The following NCKAP5 variants were observed in gnomAD, a reference collection of about 807,000 sequenced individuals.
NCKAP5 encodes the protein nck-associated protein 5.
NCKAP5 carries 92 observed loss-of-function variants against 167.0 expected under a neutral mutation model. That is an observed-to-expected ratio of 0.55 (90% confidence interval 0.47 to 0.66). The LOEUF (loss-of-function observed/expected upper bound fraction) is 0.66, where lower values mean the gene tolerates loss of function less well. Among genes scored for constraint, NCKAP5 ranks in the 30% least tolerant of loss-of-function variants. The probability of loss-of-function intolerance (pLI) is 0.00; values close to 1 mark genes in which losing one functional copy is unlikely to be tolerated. For synonymous variants in NCKAP5, 891 were observed against 877.4 expected, an observed-to-expected ratio of 1.02 and a Z score of -0.27; for missense variants, 2,378 against 2,315.0, an observed-to-expected ratio of 1.03 and a Z score of -0.56.
intron 11 of NCKAP5, among the ~76,000 whole-genome samples, chr2:132,832,918 T>C (rs1051487735): frequency 5.3e-5 from 8 of 152,256 alleles, no homozygotes; most frequent in Admixed American, 2.6e-4. Flanking sequence ...GATAGCTTTA[T>C]GGTAGCTTTA....
chr2:133,259,062 C>T (rs894704309), intron 4 of NCKAP5, among the ~76,000 whole-genome samples: 1 of 152,144 alleles, frequency 6.6e-6, no homozygotes, highest in Admixed American at 6.5e-5. Flanking sequence ...CTCCACCTCC[C>T]ACCCTCTCTT....
intron 19 of NCKAP5, among the ~76,000 whole-genome samples, chr2:132,699,019 G>A (rs1687611800): frequency 6.6e-6 from 1 of 152,124 alleles, no homozygotes; most frequent in South Asian, 2.1e-4. Flanking sequence ...TATACACAAA[G>A]GGCTTGTTTG....
At chr2:132,905,174 T>C (rs939301915) in intron 8 of NCKAP5, among the ~76,000 whole-genome samples, 1 of 152,240 alleles carries the variant, frequency 6.6e-6, no homozygotes, top group Non-Finnish European at 1.5e-5. Context: ...ATCTTCTTTC[T>C]TTCCAAATAG....
intron 4 of NCKAP5, among the ~76,000 whole-genome samples, chr2:133,281,037 G>A (rs538616986): frequency 3.3e-4 from 50 of 152,308 alleles, no homozygotes; most frequent in African/African-American, 1.1e-3. Context: ...TTAAATCCAT[G>A]TTATAAATTC....
chr2:133,040,897 T>C (rs2079197866), intron 6 of NCKAP5, among the ~76,000 whole-genome samples: 1 of 152,184 alleles, frequency 6.6e-6, no homozygotes, highest in Non-Finnish European at 1.5e-5. Context: ...ATTTCTCTTC[T>C]TTCTCCAGGT....
chr2:132,693,400 A>G (rs1197140342), intron 19 of NCKAP5, among the ~76,000 whole-genome samples: 2 of 152,118 alleles, frequency 1.3e-5, no homozygotes, highest in Non-Finnish European at 2.9e-5. Context: ...GCACGGAGGA[A>G]AGATGACAGG....
chr2:132,930,939 T>G (rs1696327957), intron 8 of NCKAP5: 1 of 152,108 alleles, frequency 6.6e-6, no homozygotes, highest in African/African-American at 2.4e-5. Flanking sequence ...CCCTCTATAC[T>G]CTGAGGCACA....
chr2:132,688,297 T>C (rs1208671758), intron 19 of NCKAP5, among the ~76,000 whole-genome samples: 1 of 152,212 alleles, frequency 6.6e-6, no homozygotes, highest in Non-Finnish European at 1.5e-5. Flanking sequence ...ATGAATGTTG[T>C]AAATTAACTT....
At chr2:133,316,908 A>G (rs1681646387) in intron 3 of NCKAP5, among the ~76,000 whole-genome samples, 1 of 152,172 alleles carries the variant, frequency 6.6e-6, no homozygotes, top group South Asian at 2.1e-4. Context: ...CACTAGCTCT[A>G]TCTTGTTGCT....
rs1684622866 is a variant in NCKAP5 at position 132,796,572 on chromosome 2, G to C, written c.909+56C>G. 8 of 1,260,514 alleles carry C rather than the reference G, an allele frequency of 6.3e-6. No individual in the cohort carries two copies. In the South Asian group the frequency reaches 1.0e-4, roughly 16 times the overall value. The allele number at this position is 1,260,514 out of a possible 1,614,324, so 78.1% of individuals were successfully genotyped here. A position where few individuals can be genotyped will look rare whatever the true frequency, so the allele number is the denominator to read the frequency against. On this transcript the variant is annotated intron_variant, in intron 12 of 19. Coordinates refer to ENST00000409261, the MANE Select transcript of NCKAP5 (RefSeq NM_207363.3). Reference sequence around the variant, plus strand: ...ATGGTTCGCTTGTGACATCATATTTGATGGAAGGAAAATAACCACCAAAAC... The same window carrying C: ...ATGGTTCGCTTGTGACATCATATTTCATGGAAGGAAAATAACCACCAAAAC...
At chr2:133,608,565 T>C in the NCKAP5 span, among the ~76,000 whole-genome samples, 15 of 152,336 alleles carry the variant, frequency 9.8e-5, no homozygotes, top group East Asian at 2.3e-3. Context: ...TTAGTCAGTG[T>C]TCTTCCCTGG....
intron 9 of NCKAP5, among the ~76,000 whole-genome samples, chr2:132,875,889 G>A (rs1191245805): frequency 5.9e-5 from 9 of 152,152 alleles, no homozygotes; most frequent in Admixed American, 5.9e-4. Flanking sequence ...GCATTTGTAG[G>A]TGTGTGCACT....
intron 8 of NCKAP5, among the ~76,000 whole-genome samples, chr2:132,938,428 G>A (rs1697017972): frequency 6.6e-6 from 1 of 152,186 alleles, no homozygotes; most frequent in African/African-American, 2.4e-5. Context: ...AGTAATCCAT[G>A]ACCCATGAAT....
At chr2:133,566,138 G>A (rs556776775) in intron 1 of NCKAP5, among the ~76,000 whole-genome samples, 24 of 152,276 alleles carry the variant, frequency 1.6e-4, no homozygotes, top group Middle Eastern at 3.4e-3. Context: ...GGGTGTATGC[G>A]ATCTAGCTGA....
chr2:133,407,480 G>A (rs577130352), intron 3 of NCKAP5, among the ~76,000 whole-genome samples: 75 of 152,312 alleles, frequency 4.9e-4, no homozygotes, highest in African/African-American at 1.5e-3. Context: ...ACAGGAGGAC[G>A]GGTGGGTTGG....
At position 132,782,769 on chromosome 2, in the gene NCKAP5, C is replaced by T. The variant is rs373110207; in HGVS notation, c.4042G>A (p.Gly1348Arg). 2.5e-5 allele frequency: 40 copies of T among 1,613,824 alleles called. No homozygotes were observed. The highest frequency in any genetic ancestry group is 1.3e-4 in the African/African-American group (10 of 75,064). ...CCTGAGCTCCCCAGGGAGCCCTTCC[C>T]GGAGGAGGGGTGCCCCGAGGGCCTC... ...VGRPSGHPSS[G>R]KGSLGSSGSF... The change falls in exon 14 of 20, where the codon GGG becomes AGG. Residue 1348 changes from glycine (G) to arginine (R), a missense_variant. Gly to Arg is a moderately radical substitution (Grantham distance 125, BLOSUM62 -2). Coordinates refer to ENST00000409261, the MANE Select transcript of NCKAP5 (RefSeq NM_207363.3).
At position 133,043,225 on chromosome 2, in the gene NCKAP5, G is replaced by A. The variant is rs186046764; in HGVS notation, c.342-48986C>T. ...TAGGCAGAAATATAGATTTAGAAGAGTTTAAAAATACCCAAGTTAATTCAG... is the reference window on the plus strand; with the variant it reads ...TAGGCAGAAATATAGATTTAGAAGAATTTAAAAATACCCAAGTTAATTCAG... On this transcript the variant is annotated intron_variant, in intron 6 of 19. Transcript: ENST00000409261. 9.9e-5 allele frequency among the ~76,000 whole-genome samples: 15 copies of A among 152,276 alleles called. No homozygotes were observed. The East Asian group carries it at 1.9e-3, about 20-fold the overall frequency.
chr2:133,080,593 T>C (rs72998837), intron 6 of NCKAP5, among the ~76,000 whole-genome samples: 5,744 of 152,242 alleles, frequency 0.038, 205 homozygotes, highest in African/African-American at 0.094. Flanking sequence ...AAAATACTTA[T>C]TATCTGACCC....
intron 8 of NCKAP5, among the ~76,000 whole-genome samples, chr2:132,890,430 C>A (rs1692604002): frequency 6.6e-6 from 1 of 152,062 alleles, no homozygotes; most frequent in South Asian, 2.1e-4. Context: ...ATAGAAGAAA[C>A]AAGTTAGTTT....
Sources: allele counts gnomAD v4.1 joint callset (sites outside exome capture counted in the v4.1 genomes callset), GRCh38; gene constraint gnomAD v4.1.1; transcripts MANE v1.5; gene names NCBI Gene and HGNC (gene_info 2026-07-23, HGNC 2026-07-21).